Variants in GABRB1 observed in about 807,000 individuals in gnomAD.
GABRB1 encodes the protein gamma-aminobutyric acid type A receptor subunit beta1.
In GABRB1, 17 loss-of-function variants were observed where a neutral mutation model predicts 51.6. The ratio of observed to expected loss-of-function variants is 0.33; its 90% confidence interval spans 0.23 to 0.49. The LOEUF is 0.49. Among genes scored for constraint, GABRB1 ranks in the 20% least tolerant of loss-of-function variants. The probability of loss-of-function intolerance (pLI) is 0.99; values close to 1 mark genes in which losing one functional copy is unlikely to be tolerated. For synonymous variants in GABRB1, 247 were observed against 218.9 expected, an observed-to-expected ratio of 1.13 and a Z score of -1.14; for missense variants, 410 against 600.6, an observed-to-expected ratio of 0.68 and a Z score of 3.32.
chr4:47,161,580 A>ATTCT, intron 4 of GABRB1, 111 bp downstream of exon 4: 2 of 771,464 alleles, frequency 2.6e-6, no homozygotes, highest in Non-Finnish European at 4.2e-6. Context: ...GAATATATAA[A>ATTCT]TGGGGTGTCA....
chr4:47,215,533 G>A (rs571734781), intron 4 of GABRB1, among the ~76,000 whole-genome samples: 3 of 151,558 alleles, frequency 2.0e-5, no homozygotes, highest in African/African-American at 7.3e-5. Context: ...ATCAAAAGAT[G>A]GATAAATAAA....
intron 4 of GABRB1, among the ~76,000 whole-genome samples, chr4:47,195,384 G>C (rs1347212165): frequency 2.2e-5 from 1 of 45,218 alleles, no homozygotes; most frequent in Non-Finnish European, 5.6e-5. Context: ...TAAATAGATA[G>C]ATAGATAGAT....
At chr4:47,054,749 A>T (rs1726514430) in intron 3 of GABRB1, among the ~76,000 whole-genome samples, 1 of 151,822 alleles carries the variant, frequency 6.6e-6, no homozygotes, top group Non-Finnish European at 1.5e-5. Flanking sequence ...TGCCCAGCTA[A>T]TTTTTTTGTA....
chr4:47,221,432 G>A (rs1445733559), intron 4 of GABRB1, among the ~76,000 whole-genome samples: 1 of 152,052 alleles, frequency 6.6e-6, no homozygotes, highest in South Asian at 2.1e-4. Context: ...AAATGGAATT[G>A]TTACTGAACT....
At chr4:47,294,708 C>T (rs561995988) in intron 4 of GABRB1, among the ~76,000 whole-genome samples, 7 of 152,368 alleles carry the variant, frequency 4.6e-5, no homozygotes, top group African/African-American at 1.4e-4. Context: ...CAGCAGTAAC[C>T]TCTGCAGACT....
chr4:47,014,020 A>C (rs1724662831), intron 1 of GABRB1, among the ~76,000 whole-genome samples: 1 of 152,084 alleles, frequency 6.6e-6, no homozygotes, highest in Admixed American at 6.5e-5. Context: ...TTAATTATAA[A>C]ATTTTATAGG....
intron 4 of GABRB1, among the ~76,000 whole-genome samples, chr4:47,303,195 T>C (rs1724326796): frequency 6.6e-6 from 1 of 151,934 alleles, no homozygotes; most frequent in African/African-American, 2.4e-5. Context: ...GTGCATTTTG[T>C]AATTTATTTG....
intron 5 of GABRB1, among the ~76,000 whole-genome samples, chr4:47,371,585 C>T (rs1289882523): frequency 1.3e-5 from 2 of 152,192 alleles, no homozygotes; most frequent in Non-Finnish European, 2.9e-5. Context: ...TTCTCCACAA[C>T]CTCACGAGCA....
chr4:47,255,857 G>C (rs1291636580), intron 4 of GABRB1, among the ~76,000 whole-genome samples: 1 of 152,198 alleles, frequency 6.6e-6, no homozygotes, highest in Admixed American at 6.5e-5. Flanking sequence ...TGATGCACTG[G>C]GGGACTACAG....
chr4:47,322,702 G>A (rs1172831268), intron 5 of GABRB1, among the ~76,000 whole-genome samples: 1 of 152,068 alleles, frequency 6.6e-6, no homozygotes, highest in Non-Finnish European at 1.5e-5. Context: ...TTGTCACGGC[G>A]GCTCACACCT....
chr4:47,027,313 A>C (rs1725130628), upstream of GABRB1, among the ~76,000 whole-genome samples: 2 of 151,656 alleles, frequency 1.3e-5, no homozygotes, highest in South Asian at 2.1e-4. Flanking sequence ...ATAAACCCAG[A>C]AAAAATTGCA....
At chr4:47,345,838 T>C (rs1265813888) in intron 5 of GABRB1, among the ~76,000 whole-genome samples, 2 of 152,166 alleles carry the variant, frequency 1.3e-5, no homozygotes, top group Non-Finnish European at 2.9e-5. Context: ...CAGCTCCTTC[T>C]GCTGTGATTT....
intron 5 of GABRB1, among the ~76,000 whole-genome samples, chr4:47,323,471 A>AT (rs71654868): frequency 0.48 from 72,532 of 149,758 alleles, 17,485 homozygotes; most frequent in East Asian, 0.69. Flanking sequence ...TTATTCATGT[A>AT]TTTTTTTAAC....
At chr4:47,204,990 C>T (rs768898803) in intron 4 of GABRB1, among the ~76,000 whole-genome samples, 1 of 152,122 alleles carries the variant, frequency 6.6e-6, no homozygotes, top group Non-Finnish European at 1.5e-5. Flanking sequence ...TAAATGACTA[C>T]CTGTTGGGGC....
At chr4:47,089,371 T>G (rs955828407) in intron 3 of GABRB1, among the ~76,000 whole-genome samples, 1 of 152,234 alleles carries the variant, frequency 6.6e-6, no homozygotes, top group Non-Finnish European at 1.5e-5. Context: ...CAATGTATTC[T>G]AGTCCAGCTC....
intron 1 of GABRB1, among the ~76,000 whole-genome samples, chr4:46,999,565 T>C (rs747657153): frequency 3.3e-5 from 5 of 152,134 alleles, no homozygotes; most frequent in Non-Finnish European, 5.9e-5. Flanking sequence ...AAATAAGATA[T>C]ATGTTTCAAT....
intron 1 of GABRB1, among the ~76,000 whole-genome samples, chr4:47,004,369 G>A (rs1266665163): frequency 3.9e-5 from 6 of 152,162 alleles, no homozygotes; most frequent in African/African-American, 1.4e-4. Flanking sequence ...CTAAGAAAAT[G>A]ACGAGACACT....
intron 4 of GABRB1, among the ~76,000 whole-genome samples, chr4:47,216,471 T>C (rs1028246548): frequency 2.6e-5 from 4 of 151,954 alleles, no homozygotes; most frequent in Non-Finnish European, 4.4e-5. Context: ...GGGAACCACT[T>C]TGAACCCCAT....
chr4:47,104,851 G>T (rs1372804790), intron 3 of GABRB1, among the ~76,000 whole-genome samples: 1 of 151,916 alleles, frequency 6.6e-6, no homozygotes, highest in Non-Finnish European at 1.5e-5. Flanking sequence ...CAAGTTTTCT[G>T]TTTGGGCCTC....
Sources: allele counts gnomAD v4.1 joint callset (sites outside exome capture counted in the v4.1 genomes callset), GRCh38; gene constraint gnomAD v4.1.1; transcripts MANE v1.5; gene names NCBI Gene and HGNC (gene_info 2026-07-23, HGNC 2026-07-21).